The following SUMF1 variants were observed in gnomAD, a reference collection of about 807,000 sequenced individuals.
SUMF1 encodes formylglycine-generating enzyme.
SUMF1 carries 48 observed loss-of-function variants against 47.6 expected under a neutral mutation model. The ratio of observed to expected loss-of-function variants is 1.01; its 90% CI spans 0.80 to 1.28. The LOEUF is 1.28. Among genes scored for constraint, SUMF1 ranks in the 50% most tolerant of loss-of-function variants. The pLI is 0.00. For missense variants in SUMF1, 571 were observed against 485.4 expected, an observed-to-expected ratio of 1.18 and a Z score of -1.66; for synonymous variants, 230 against 192.1, an observed-to-expected ratio of 1.20 and a Z score of -1.63.
intron 7 of SUMF1, among the ~76,000 whole-genome samples, chr3:4,391,979 C>A (rs957701308): frequency 1.9e-4 from 29 of 152,058 alleles, no homozygotes; most frequent in Admixed American, 1.6e-3. Context: ...CAGATGTGCA[C>A]CACCATACCT....
rs548834438 is a variant in SUMF1 at position 4,427,316 on chromosome 3, G to A, written c.520-7170C>T. Among the ~76,000 whole-genome samples, 49 of 152,166 alleles carry A rather than the reference G, an allele frequency of 3.2e-4. 1 individual carries two copies. In the Middle Eastern group the frequency reaches 0.014, roughly 42 times the overall value. On this transcript the variant is annotated intron_variant, in intron 3 of 8. Coordinates refer to ENST00000272902, the MANE Select transcript of SUMF1 (RefSeq NM_182760.4). ...ACAGCTACCCCTATAAAAACAACCCGGGAGAATTTTTCAACTGGCATCAGT... is the reference window on the plus strand; with the variant it reads ...ACAGCTACCCCTATAAAAACAACCCAGGAGAATTTTTCAACTGGCATCAGT...
At chr3:4,053,995 A>T (rs562420510) in intron 9 of SUMF1, among the ~76,000 whole-genome samples, 27 of 152,272 alleles carry the variant, frequency 1.8e-4, no homozygotes, top group African/African-American at 6.3e-4. Context: ...AAAAACTGCC[A>T]TCCATCACAA....
At chr3:4,244,761 T>G (rs919611221) in intron 8 of SUMF1, among the ~76,000 whole-genome samples, 36 of 152,150 alleles carry the variant, frequency 2.4e-4, no homozygotes, top group African/African-American at 8.7e-4. Context: ...GTGGAGTATC[T>G]CTCTGGTGTT....
Position 4,275,113 on chromosome 3 carries a change from A to T in SUMF1, c.1014+101217T>A, listed in dbSNP as rs139632194. On this transcript the variant is annotated intron_variant and NMD_transcript_variant, in intron 8 of 12. Transcript: ENST00000448413. ...TGAGCAGTTGAAAATTAGCCTCCAG[A>T]CTGTACATTCTTTTCTTTATAGTCT... Among the ~76,000 whole-genome samples, 281 of 152,216 alleles carry T rather than the reference A, an allele frequency of 1.8e-3. 1 individual carries two copies. Among genetic ancestry groups the T allele is most frequent in the South Asian group, 3.7e-3 (18 of 4,810 alleles).
chr3:4,362,872 C>A (rs1439005231), intron 8 of SUMF1, among the ~76,000 whole-genome samples: 2 of 151,986 alleles, frequency 1.3e-5, no homozygotes, highest in Non-Finnish European at 2.9e-5. Flanking sequence ...CATCACTGAG[C>A]CACTGTACTA....
rs544509419 is a variant in SUMF1, at chr3:4,417,364, T to A, written c.726-122A>T. 4.4e-5 allele frequency: 29 copies of A among 657,144 alleles called. No homozygotes were observed. In the East Asian group the frequency reaches 4.5e-4, roughly 10 times the overall value. The allele number at this position is 657,144 out of a possible 1,614,324, so 40.7% of individuals were successfully genotyped here. ...CTTGTTCTGAGTGAGCCAGTTAAAA[T>A]ATATATATAAATAAATAAAGCTTTT... On this transcript the variant is annotated intron_variant, in intron 5 of 8. Transcript: ENST00000272902.
chr3:4,151,525 GTATATATGTGTA>G (rs1694332408), intron 8 of SUMF1, among the ~76,000 whole-genome samples: 2 of 127,678 alleles, frequency 1.6e-5, no homozygotes, highest in Admixed American at 1.7e-4. Context: ...ACGTATATAT[GTATATATGTGTA>G]TATATATGTG....
At chr3:4,317,889 A>G (rs1698726405) in intron 8 of SUMF1, among the ~76,000 whole-genome samples, 1 of 152,176 alleles carries the variant, frequency 6.6e-6, no homozygotes, top group African/African-American at 2.4e-5. Flanking sequence ...TGTCTGTAGG[A>G]TGTGACCCAA....
chr3:4,358,294 T>A (rs944037666), downstream of SUMF1, among the ~76,000 whole-genome samples: 1 of 152,196 alleles, frequency 6.6e-6, no homozygotes, highest in East Asian at 1.9e-4. Flanking sequence ...AACCCCAAAT[T>A]CCTTCCATGC....
At chr3:4,345,765 T>C (rs1699360750) in intron 8 of SUMF1, among the ~76,000 whole-genome samples, 1 of 151,918 alleles carries the variant, frequency 6.6e-6, no homozygotes, top group Non-Finnish European at 1.5e-5. Context: ...TCAAGACCCA[T>C]CAGCATGCTG....
intron 8 of SUMF1, among the ~76,000 whole-genome samples, chr3:4,106,219 C>G (rs1222968216): frequency 6.6e-6 from 1 of 151,924 alleles, no homozygotes; most frequent in African/African-American, 2.4e-5. Context: ...GAGGTTTAGG[C>G]TATGTGATCG....
At chr3:4,117,027 A>G (rs1324009761) in intron 8 of SUMF1, among the ~76,000 whole-genome samples, 1 of 152,188 alleles carries the variant, frequency 6.6e-6, no homozygotes, top group East Asian at 1.9e-4. Flanking sequence ...TACAGTCATT[A>G]AAGACAATGG....
chr3:4,088,702 C>G (rs1308049971), intron 8 of SUMF1, among the ~76,000 whole-genome samples: 1 of 152,056 alleles, frequency 6.6e-6, no homozygotes, highest in Non-Finnish European at 1.5e-5. Flanking sequence ...TAGGATGGAG[C>G]CTGACATATA....
intron 8 of SUMF1, among the ~76,000 whole-genome samples, chr3:4,138,641 G>A (rs1451661473): frequency 6.6e-6 from 1 of 152,098 alleles, no homozygotes; most frequent in African/African-American, 2.4e-5. Context: ...CTAGGATGAG[G>A]TAACGCCATC....
intron 8 of SUMF1, among the ~76,000 whole-genome samples, chr3:4,154,052 T>C (rs952344318): frequency 1.3e-5 from 2 of 151,412 alleles, no homozygotes; most frequent in African/African-American, 2.5e-5. Flanking sequence ...CACTGTAACA[T>C]GGACTATGGC....
At chr3:4,458,222 G>A (rs1456470081) in intron 1 of SUMF1, among the ~76,000 whole-genome samples, 1 of 152,152 alleles carries the variant, frequency 6.6e-6, no homozygotes, top group Admixed American at 6.5e-5. Context: ...TCAAAAAGAT[G>A]AAAGATAACA....
chr3:4,085,031 T>C lies in SUMF1; in HGVS notation c.1015-16286A>G, dbSNP rs139819840. On this transcript the variant is annotated intron_variant and NMD_transcript_variant, in intron 8 of 12. Coordinates refer to the SUMF1 transcript ENST00000448413. ...GGAAATAGATGATGTCTATCTACTC[T>C]ATGCATATTAAAATAGAAGACCCAT... Among the ~76,000 whole-genome samples, 318 of 152,212 alleles carry C rather than the reference T, an allele frequency of 2.1e-3. 5 individuals are homozygous for C. The highest frequency in any genetic ancestry group is 7.5e-3 in the African/African-American group (311 of 41,512).
Position 4,103,371 on chromosome 3 carries a change from G to T in SUMF1, c.1015-34626C>A, listed in dbSNP as rs185048866. Among the ~76,000 whole-genome samples the T allele has an allele frequency of 2.8e-4, 43 of 152,194 alleles. No individual in the cohort carries two copies. In the East Asian group the frequency reaches 6.2e-3, roughly 22 times the overall value. ...TTATAACCACACAGTCTAGTACTTG[G>T]CCTCTAAAAGGAATACTATAGGAAT... On this transcript the variant is annotated intron_variant and NMD_transcript_variant, in intron 8 of 12. Transcript: ENST00000448413.
At chr3:4,382,429 G>A (rs1700535432) in intron 7 of SUMF1, among the ~76,000 whole-genome samples, 1 of 152,014 alleles carries the variant, frequency 6.6e-6, no homozygotes, top group South Asian at 2.1e-4. Context: ...AGGGGTAGAA[G>A]AATATACTAA....
Sources: allele counts gnomAD v4.1 joint callset (sites outside exome capture counted in the v4.1 genomes callset), GRCh38; gene constraint gnomAD v4.1.1; transcripts MANE v1.5; gene names NCBI Gene and HGNC (gene_info 2026-07-23, HGNC 2026-07-21).